The following TDRD9 variants were observed in gnomAD, a reference collection of about 807,000 sequenced individuals.
The protein encoded by TDRD9 is ATP-dependent RNA helicase TDRD9.
Under a neutral mutation model 172.6 loss-of-function variants are expected in TDRD9, and 124 were observed. The observed-to-expected ratio is 0.72, with a 90% confidence interval of 0.62 to 0.83. The LOEUF (loss-of-function observed/expected upper bound fraction) is 0.83. Among genes scored for constraint, TDRD9 ranks in the 40% least tolerant of loss-of-function variants. TDRD9 has a pLI of 0.00. For missense variants in TDRD9, 1,479 were observed against 1,714.1 expected (o/e 0.86, Z 2.42); for synonymous variants, 619 against 617.1 (o/e 1.00, Z -0.05).
intron 1 of TDRD9, chr14:103,939,859 G>A (rs1410758437): frequency 6.9e-6 from 1 of 144,818 alleles, no homozygotes; most frequent in Non-Finnish European, 1.5e-5. Context: ...TGAGCTTCCT[G>A]CTTCAACCTC....
intron 20 of TDRD9, among the ~76,000 whole-genome samples, chr14:104,009,990 G>A (rs990154483): frequency 1.2e-4 from 18 of 149,680 alleles, no homozygotes; most frequent in Middle Eastern, 3.3e-3. Context: ...CTGTCACCCA[G>A]GGTGGAGTGC....
intron 1 of TDRD9, among the ~76,000 whole-genome samples, chr14:103,938,458 A>C (rs1181532219): frequency 1.8e-4 from 1 of 5,624 alleles, no homozygotes; most frequent in Non-Finnish European, 5.9e-4. Context: ...TTTTTTTTTG[A>C]GATGGTGTCT....
At chr14:104,011,681 C>T (rs1454886328) in intron 20 of TDRD9, among the ~76,000 whole-genome samples, 2 of 152,102 alleles carry the variant, frequency 1.3e-5, no homozygotes, top group Non-Finnish European at 2.9e-5. Context: ...TATAGTTACA[C>T]GTAATTTTCT....
At chr14:103,970,082 G>A (rs184022589) in intron 5 of TDRD9, among the ~76,000 whole-genome samples, 138 of 152,254 alleles carry the variant, frequency 9.1e-4, no homozygotes, top group African/African-American at 3.0e-3. Flanking sequence ...CATGGCTCCC[G>A]GTCAGTGTTA....
intron 2 of TDRD9, among the ~76,000 whole-genome samples, chr14:103,957,339 C>A (rs79208987): frequency 0.029 from 4,358 of 152,304 alleles, 133 homozygotes; most frequent in African/African-American, 0.075. Flanking sequence ...ATTTCATCAG[C>A]CCTTTGGTGC....
At chr14:103,988,599 T>C (rs1045410714) in intron 8 of TDRD9, among the ~76,000 whole-genome samples, 1 of 152,240 alleles carries the variant, frequency 6.6e-6, no homozygotes, top group Non-Finnish European at 1.5e-5. Context: ...ATTTTGCTTT[T>C]TGCTTTCTGG....
chr14:103,988,544 T>C (rs1159942001), intron 8 of TDRD9, among the ~76,000 whole-genome samples: 1 of 152,200 alleles, frequency 6.6e-6, no homozygotes, highest in East Asian at 1.9e-4. Flanking sequence ...GTTTAATCCA[T>C]TTACATTTAA....
rs182643797 is a variant in TDRD9 at position 103,971,162 on chromosome 14, T to A, written c.846+541T>A. ...CCAAGCCCAGCTAATTTTTTGTATT[T>A]TTAGTAGAGGCGGGGTTTCATCGTG... On this transcript the variant is annotated intron_variant, in intron 6 of 35. Transcript: ENST00000409874. Among the ~76,000 whole-genome samples the A allele has an allele frequency of 1.3e-3, 198 of 151,262 alleles. 4 individuals are homozygous for A. Among genetic ancestry groups the A allele is most frequent in the Admixed American group, 0.011 (170 of 15,170 alleles).
At chr14:104,004,967 T>C (rs376940416) in intron 14 of TDRD9, among the ~76,000 whole-genome samples, 10 of 152,160 alleles carry the variant, frequency 6.6e-5, no homozygotes, top group South Asian at 2.1e-4. Flanking sequence ...TCCCCTTCCT[T>C]TGTCCTCCTT....
chr14:103,945,284 A>G (rs981634565), intron 1 of TDRD9: 5 of 152,178 alleles, frequency 3.3e-5, no homozygotes, highest in Admixed American at 3.3e-4. Context: ...CATTGAAACC[A>G]TTACCAAAGA....
intron 20 of TDRD9, among the ~76,000 whole-genome samples, chr14:104,012,278 A>C (rs2034637629): frequency 6.6e-6 from 1 of 152,254 alleles, no homozygotes; most frequent in Non-Finnish European, 1.5e-5. Flanking sequence ...GGAGGGTAAG[A>C]GTCCCTGGAG....
chr14:104,014,335 A>G (rs984570064), intron 20 of TDRD9, among the ~76,000 whole-genome samples: 1 of 151,304 alleles, frequency 6.6e-6, no homozygotes, highest in Middle Eastern at 3.2e-3. Context: ...GCTGTAGTAC[A>G]GTGACACAAT....
chr14:104,050,483 A>C (rs147306181), intron 35 of TDRD9, among the ~76,000 whole-genome samples: 1 of 152,318 alleles, frequency 6.6e-6, no homozygotes, highest in African/African-American at 2.4e-5. Context: ...AAAGGAGCCC[A>C]AAGGAGTTTG....
rs184676510 is a variant in TDRD9, at chr14:103,941,417, T to C, written c.215+12693T>C. The C allele has an allele frequency of 2.1e-4, 327 of 1,534,948 alleles. 2 individuals are homozygous for C. The East Asian group carries it at 5.9e-3, about 28-fold the overall frequency. ...TTTACCTGCTGAGAATAGTTCCAGT[T>C]TGGCAAGGTTGAACTTGTGAGCAAA... On this transcript the variant is annotated intron_variant, in intron 1 of 35. Transcript: ENST00000409874.
chr14:104,005,164 T>C, intron 14 of TDRD9, 110 bp from the exon 15 acceptor site: 1 of 1,132,940 alleles, frequency 8.8e-7, no homozygotes, highest in Admixed American at 2.2e-5. Flanking sequence ...TTTTCTTTCT[T>C]CTCTCCTCTC....
intron 13 of TDRD9, among the ~76,000 whole-genome samples, chr14:104,000,486 A>T (rs189045105): frequency 1.3e-5 from 2 of 151,778 alleles, no homozygotes; most frequent in East Asian, 3.9e-4. Flanking sequence ...AACTATGCTT[A>T]AAAAATGACT....
At chr14:103,935,462 C>T (rs778919303) in intron 1 of TDRD9, among the ~76,000 whole-genome samples, 5 of 152,090 alleles carry the variant, frequency 3.3e-5, no homozygotes, top group Admixed American at 6.5e-5. Context: ...GTAAGGAAGG[C>T]GAGACTGCAC....
At chr14:104,012,904 T>C (rs2034658381) in intron 20 of TDRD9, among the ~76,000 whole-genome samples, 1 of 152,204 alleles carries the variant, frequency 6.6e-6, no homozygotes, top group African/African-American at 2.4e-5. Context: ...CTGAAATGTT[T>C]TTAAATATCT....
At chr14:103,952,689 C>T (rs1241077867) in intron 1 of TDRD9, among the ~76,000 whole-genome samples, 2 of 138,728 alleles carry the variant, frequency 1.4e-5, no homozygotes, top group Non-Finnish European at 3.1e-5. Flanking sequence ...CATTTCTATG[C>T]GTTTCATTCT....
Sources: gnomAD v4.1 joint callset for allele counts (sites outside exome capture counted in the v4.1 genomes callset) on GRCh38, gnomAD v4.1.1 for gene constraint, MANE v1.5 for transcripts, NCBI Gene and HGNC (gene_info 2026-07-23, HGNC 2026-07-21) for gene names.